Variants in BAIAP2L1 observed in about 807,000 individuals in gnomAD.
BAIAP2L1 encodes BAR/IMD domain-containing adapter protein 2-like 1.
A neutral mutation model predicts 66.3 loss-of-function variants in BAIAP2L1; 35 were observed. The observed-to-expected ratio is 0.53, with a 90% CI of 0.40 to 0.70. BAIAP2L1 has a LOEUF of 0.70. Ranked by LOEUF, BAIAP2L1 falls within the 30% of genes least tolerant of loss-of-function variation. The probability of loss-of-function intolerance (pLI) is 0.00; values close to 1 mark genes in which losing one functional copy is unlikely to be tolerated. For synonymous variants in BAIAP2L1, 269 were observed against 248.7 expected, an observed-to-expected ratio of 1.08 and a Z score of -0.77; for missense variants, 622 against 656.9, an observed-to-expected ratio of 0.95 and a Z score of 0.58.
intron 2 of BAIAP2L1, among the ~76,000 whole-genome samples, chr7:98,356,140 G>A (rs758534375): frequency 6.6e-6 from 1 of 152,082 alleles, no homozygotes; most frequent in African/African-American, 2.4e-5. Flanking sequence ...GTAACCTCCA[G>A]GGGCAAATTA....
At chr7:98,383,291 T>C (rs1180337349) in intron 1 of BAIAP2L1, among the ~76,000 whole-genome samples, 2 of 151,722 alleles carry the variant, frequency 1.3e-5, no homozygotes. Context: ...ATCTTTTTTT[T>C]TTTTTTTTTC....
At chr7:98,386,022 A>C in intron 1 of BAIAP2L1, 1 of 1,387,238 alleles carries the variant, frequency 7.2e-7, no homozygotes, top group Non-Finnish European at 1.0e-6. Context: ...TGCTGTCTGG[A>C]ATCAATTTAT....
intron 2 of BAIAP2L1, 147 bp downstream of exon 2, chr7:98,362,210 G>T: frequency 1.6e-6 from 1 of 619,888 alleles, no homozygotes; most frequent in Non-Finnish European, 2.8e-6. Context: ...ATTGTGTACT[G>T]TCATTGCAAA....
rs1174943605 is a variant in BAIAP2L1, at chr7:98,292,015, T to C, written c.*1506A>G. 1 of 153,004 alleles carries C rather than the reference T, an allele frequency of 6.5e-6. No homozygotes were observed. Among genetic ancestry groups the C allele is most frequent in the Non-Finnish European group, 1.5e-5 (1 of 68,730 alleles). 9.5% of individuals were successfully genotyped at this position (153,004 alleles called of 1,614,324 possible). A position where few individuals can be genotyped will look rare whatever the true frequency, so the allele number is the denominator to read the frequency against. Reference sequence around the variant, plus strand: ...GCCCTTTCTGTAGTACAGACTGGGGTTGTTAACATAGTTCATGGTGCCTGC... The same window carrying C: ...GCCCTTTCTGTAGTACAGACTGGGGCTGTTAACATAGTTCATGGTGCCTGC... On this transcript the variant is annotated 3_prime_UTR_variant, in exon 14 of 14. Transcript: ENST00000005260.
chr7:98,329,207 C>A (rs1801439658), intron 3 of BAIAP2L1, among the ~76,000 whole-genome samples: 1 of 152,104 alleles, frequency 6.6e-6, no homozygotes, highest in African/African-American at 2.4e-5. Context: ...TGGAAACAAG[C>A]TAAAATAAGA....
chr7:98,358,824 G>C (rs553375114), intron 2 of BAIAP2L1, among the ~76,000 whole-genome samples: 9 of 152,194 alleles, frequency 5.9e-5, no homozygotes, highest in African/African-American at 2.2e-4. Flanking sequence ...CCCAGAGCCC[G>C]TAGTAGATTT....
chr7:98,312,062 A>G (rs1800893422), intron 8 of BAIAP2L1, 35 bp downstream of exon 8: 1 of 1,555,144 alleles, frequency 6.4e-7, no homozygotes, highest in Admixed American at 2.0e-5. Flanking sequence ...TAGGAAACAC[A>G]CGATTGAAAT....
chr7:98,354,184 G>C (rs1332171756), intron 3 of BAIAP2L1, among the ~76,000 whole-genome samples: 1 of 151,464 alleles, frequency 6.6e-6, no homozygotes, highest in African/African-American at 2.4e-5. Context: ...CCTCTCATTT[G>C]TCCCTGTCTT....
At chr7:98,313,981 CCT>C (rs1491220172) in intron 7 of BAIAP2L1, among the ~76,000 whole-genome samples, 2 of 120,064 alleles carry the variant, frequency 1.7e-5, no homozygotes, top group East Asian at 2.1e-4. Context: ...CCTTTTTCTT[CCT>C]TTTTTTTTTT....
At chr7:98,396,922 CA>C (rs1306563431) in intron 1 of BAIAP2L1, among the ~76,000 whole-genome samples, 3 of 152,226 alleles carry the variant, frequency 2.0e-5, no homozygotes, top group Non-Finnish European at 4.4e-5. Flanking sequence ...ACAGGTGCTT[CA>C]CACATTAAAT....
intron 3 of BAIAP2L1, among the ~76,000 whole-genome samples, chr7:98,337,736 T>C (rs1801646465): frequency 6.6e-6 from 1 of 151,898 alleles, no homozygotes; most frequent in South Asian, 2.1e-4. Flanking sequence ...GCCAACATGG[T>C]GAAACCCCAT....
At chr7:98,365,966 C>T (rs1802381545) in intron 1 of BAIAP2L1, among the ~76,000 whole-genome samples, 1 of 152,140 alleles carries the variant, frequency 6.6e-6, no homozygotes, top group Non-Finnish European at 1.5e-5. Flanking sequence ...TCCCTGATGG[C>T]CAGTTTGTAT....
chr7:98,371,838 A>G (rs1802517197), intron 1 of BAIAP2L1, among the ~76,000 whole-genome samples: 2 of 150,056 alleles, frequency 1.3e-5, no homozygotes, highest in South Asian at 4.2e-4. Flanking sequence ...TCTGTCACCC[A>G]GGCTGTAGTG....
intron 12 of BAIAP2L1, among the ~76,000 whole-genome samples, chr7:98,297,577 A>G (rs1800243921): frequency 6.6e-6 from 1 of 152,212 alleles, no homozygotes; most frequent in African/African-American, 2.4e-5. Context: ...ACCTGTCTTC[A>G]GTGTGAAAAC....
Position 98,306,459 on chromosome 7 carries a change from T to C in BAIAP2L1, c.1221A>G (p.Ala407=), listed in dbSNP as rs779096013. 3.7e-6 allele frequency: 6 copies of C among 1,614,200 alleles called. 1 individual carries two copies. The South Asian group carries it at 6.6e-5, about 18-fold the overall frequency. The change falls in exon 11 of 14, where the codon GCA becomes GCG. Residue 407 remains alanine, a synonymous_variant. Transcript: ENST00000005260. The stretch of plus-strand genomic sequence containing the variant: ...GCTACCTTGGCGTGGGCACGGTCAC[T>C]GCTTCTGTCTCATTTTCTTCCAGCA... ...TKLLEENETE[A]VTVPTPSPTP...
chr7:98,382,990 T>G (rs1355850649), intron 1 of BAIAP2L1, among the ~76,000 whole-genome samples: 3 of 151,860 alleles, frequency 2.0e-5, no homozygotes, highest in Admixed American at 2.0e-4. Flanking sequence ...GGCGAAACCC[T>G]GTCTCTACTA....
chr7:98,391,708 C>CA (rs35659859), intron 1 of BAIAP2L1, among the ~76,000 whole-genome samples: 1,086 of 98,980 alleles, frequency 0.011, 11 homozygotes, highest in Middle Eastern at 0.023. Context: ...GACTCCGTCT[C>CA]AAAAAAAAAA....
chr7:98,304,373 G>A lies in BAIAP2L1; in HGVS notation c.1245C>T (p.Pro415=), dbSNP rs758472363. 3.1e-6 allele frequency: 5 copies of A among 1,613,316 alleles called. No individual in the cohort carries two copies. The highest frequency in any genetic ancestry group is 1.1e-5 in the South Asian group (1 of 90,888). ...CGGTGCTGATGCTTCTCACTGGTGT[G>A]GGGCTCAAACCCAAAAAGGACACAG... The part of the protein sequence containing the change: ...TEAVTVPTPS[P]TPVRSISTVN... The change falls in exon 12 of 14, where the codon CCC becomes CCT. Residue 415 remains proline (P), a synonymous_variant. Coordinates refer to ENST00000005260, the MANE Select transcript of BAIAP2L1 (RefSeq NM_018842.5).
At chr7:98,362,243 T>C in intron 2 of BAIAP2L1, 114 bp downstream of exon 2, 7 of 767,350 alleles carry the variant, frequency 9.1e-6, no homozygotes, top group Non-Finnish European at 1.5e-5. Flanking sequence ...AAATTCATTG[T>C]GAACAATTTT....
Sources: gnomAD v4.1 joint callset for allele counts (sites outside exome capture counted in the v4.1 genomes callset) on GRCh38, gnomAD v4.1.1 for gene constraint, MANE v1.5 for transcripts, NCBI Gene and HGNC (gene_info 2026-07-23, HGNC 2026-07-21) for gene names.